IL17B: variants seen among roughly 807,000 people sequenced by gnomAD.
IL17B encodes interleukin 17B, also known as interleukin-17B.
Under a neutral mutation model 14.7 loss-of-function variants are expected in IL17B, and 14 were observed. That is an observed-to-expected ratio of 0.95 (90% CI 0.63 to 1.49). IL17B has a LOEUF of 1.49. Ranked by LOEUF, IL17B falls within the 40% of genes most tolerant of loss-of-function variation. IL17B has a pLI of 0.00. For missense variants in IL17B, 233 were observed against 252.8 expected (o/e 0.92, Z 0.53); for synonymous variants, 105 against 94.8 (o/e 1.11, Z -0.62).
chr5:149,387,066 CCAGCCCA>C (rs757512188), intron 1 of IL17B, among the ~76,000 whole-genome samples: 30 of 152,188 alleles, frequency 2.0e-4, no homozygotes, highest in Admixed American at 3.9e-4. Flanking sequence ...TATTTTAGGA[CCAGCCCA>C]CAGCTCAGGG....
intron 1 of IL17B, among the ~76,000 whole-genome samples, chr5:149,400,169 C>T (rs914298814): frequency 1.3e-5 from 2 of 152,136 alleles, no homozygotes; most frequent in African/African-American, 2.4e-5. Context: ...AATATGAGGT[C>T]AGACTGGATT....
intron 1 of IL17B, among the ~76,000 whole-genome samples, chr5:149,399,535 G>A (rs970072274): frequency 1.3e-5 from 2 of 152,070 alleles, no homozygotes; most frequent in Admixed American, 6.5e-5. Flanking sequence ...AATTTGGGTG[G>A]GTGGGACAGC....
At chr5:149,398,111 C>A (rs1759128559) in intron 1 of IL17B, among the ~76,000 whole-genome samples, 1 of 152,158 alleles carries the variant, frequency 6.6e-6, no homozygotes, top group Non-Finnish European at 1.5e-5. Flanking sequence ...AAAATTAAGT[C>A]CATAAGTCCA....
intron 1 of IL17B, among the ~76,000 whole-genome samples, chr5:149,388,910 T>C (rs1387551668): frequency 1.3e-5 from 2 of 152,242 alleles, no homozygotes; most frequent in Non-Finnish European, 2.9e-5. Context: ...ATCTCCTTAA[T>C]TGTCAGTTCC....
chr5:149,404,070 C>A (rs1461345351), intron 1 of IL17B: 1 of 152,160 alleles, frequency 6.6e-6, no homozygotes, highest in Non-Finnish European at 1.5e-5. Context: ...CTAACAGGAA[C>A]CTCCCTTCAC....
chr5:149,403,528 C>T (rs1032132656), intron 1 of IL17B, among the ~76,000 whole-genome samples: 2 of 152,196 alleles, frequency 1.3e-5, no homozygotes, highest in African/African-American at 4.8e-5. Flanking sequence ...GTTTTATGTT[C>T]ATTGAAGAGA....
In IL17B at chr5:149,387,899, G is replaced by C. The variant is rs149058437; in HGVS notation, n.96-10874C>G. On this transcript the variant is annotated intron_variant and non_coding_transcript_variant, in intron 1 of 2. Coordinates refer to the IL17B transcript ENST00000505432. Reference sequence around the variant, plus strand: ...GAAGAAGAAATTGAGGCCATACAGTGAGGAGAAAAGGGACAGAGCTTGGGA... The same window carrying C: ...GAAGAAGAAATTGAGGCCATACAGTCAGGAGAAAAGGGACAGAGCTTGGGA... 1.6e-3 allele frequency among the ~76,000 whole-genome samples: 248 copies of C among 152,254 alleles called. 3 individuals are homozygous for C. The highest frequency in any genetic ancestry group is 5.8e-3 in the African/African-American group (240 of 41,564).
At chr5:149,389,832 AC>A (rs1208344497) in intron 1 of IL17B, among the ~76,000 whole-genome samples, 1 of 152,208 alleles carries the variant, frequency 6.6e-6, no homozygotes, top group Non-Finnish European at 1.5e-5. Context: ...CGTTAATGCA[AC>A]CTGGCTTCTA....
chr5:149,375,193 C>T (rs1204821675), intron 2 of IL17B: 1 of 152,394 alleles, frequency 6.6e-6, no homozygotes, highest in Non-Finnish European at 1.5e-5. Flanking sequence ...TCAACACTTA[C>T]ATGCTCACCA....
intron 1 of IL17B, among the ~76,000 whole-genome samples, chr5:149,390,871 A>C (rs1362956125): frequency 1.3e-5 from 2 of 152,002 alleles, no homozygotes; most frequent in African/African-American, 2.4e-5. Context: ...CTTTAAATTA[A>C]AATTTTTTTA....
chr5:149,380,019 T>TA (rs1363331783), upstream of IL17B, among the ~76,000 whole-genome samples: 11 of 152,320 alleles, frequency 7.2e-5, no homozygotes, highest in East Asian at 1.9e-3. Context: ...CATGAGGACT[T>TA]ACGGCTGATT....
chr5:149,383,389 C>T (rs1471378407), upstream of IL17B, among the ~76,000 whole-genome samples: 1 of 152,186 alleles, frequency 6.6e-6, no homozygotes, highest in East Asian at 1.9e-4. Context: ...CACCCTAGAG[C>T]GTTGGCAAGG....
intron 1 of IL17B, among the ~76,000 whole-genome samples, chr5:149,394,172 G>A (rs917995952): frequency 9.2e-5 from 14 of 152,128 alleles, no homozygotes; most frequent in African/African-American, 1.4e-4. Flanking sequence ...ACAGTCGCAC[G>A]AGTGTAACAG....
intron 2 of IL17B, among the ~76,000 whole-genome samples, chr5:149,376,222 T>G (rs947063584): frequency 6.6e-6 from 1 of 152,212 alleles, no homozygotes; most frequent in South Asian, 2.1e-4. Flanking sequence ...AATCGCAGCC[T>G]GCTGTGCGCC....
At chr5:149,383,615 C>G (rs1758756184), upstream of IL17B, among the ~76,000 whole-genome samples, 1 of 152,246 alleles carries the variant, frequency 6.6e-6, no homozygotes, top group Non-Finnish European at 1.5e-5. Context: ...GCTTGCCTCG[C>G]TGCTCACTCC....
At chr5:149,399,396 C>T (rs903870692) in intron 1 of IL17B, among the ~76,000 whole-genome samples, 5 of 152,056 alleles carry the variant, frequency 3.3e-5, no homozygotes, top group Admixed American at 2.6e-4. Context: ...GTTTGGACTG[C>T]GCATGCACAC....
intron 1 of IL17B, among the ~76,000 whole-genome samples, chr5:149,378,914 G>C (rs150877943): frequency 1.3e-3 from 200 of 152,252 alleles, no homozygotes; most frequent in African/African-American, 4.7e-3. Context: ...CTCAGAAGCC[G>C]GGTCTCTTTG....
upstream of IL17B, among the ~76,000 whole-genome samples, chr5:149,383,131 C>T (rs1380535423): frequency 1.3e-5 from 2 of 152,236 alleles, no homozygotes; most frequent in Non-Finnish European, 2.9e-5. Flanking sequence ...ATAATAATAA[C>T]TTGGCTCTCA....
chr5:149,403,721 G>A (rs1039057284), intron 1 of IL17B, among the ~76,000 whole-genome samples: 5 of 151,710 alleles, frequency 3.3e-5, no homozygotes, highest in African/African-American at 1.2e-4. Flanking sequence ...CGATCTCAGG[G>A]CTGGGAAGGG....
Sources: gnomAD v4.1 joint callset for allele counts (sites outside exome capture counted in the v4.1 genomes callset) on GRCh38, gnomAD v4.1.1 for gene constraint, MANE v1.5 for transcripts, NCBI Gene and HGNC (gene_info 2026-07-23, HGNC 2026-07-21) for gene names.